The following CNBD1 variants were observed in gnomAD, a reference collection of about 807,000 sequenced individuals.
CNBD1 encodes cyclic nucleotide-binding domain-containing protein 1.
A neutral mutation model predicts 54.4 loss-of-function variants in CNBD1; 71 were observed. The observed-to-expected ratio is 1.30, with a 90% confidence interval of 1.08 to 1.59. The LOEUF is 1.59. Among genes scored for constraint, CNBD1 ranks in the 40% most tolerant of loss-of-function variants. CNBD1 has a pLI of 0.00. For synonymous variants in CNBD1, 182 were observed against 170.7 expected, an observed-to-expected ratio of 1.07 and a Z score of -0.51; for missense variants, 659 against 518.0, an observed-to-expected ratio of 1.27 and a Z score of -2.64.
intron 10 of CNBD1, among the ~76,000 whole-genome samples, chr8:87,379,695 A>C (rs563514921): frequency 6.6e-6 from 1 of 152,124 alleles, no homozygotes; most frequent in East Asian, 1.9e-4. Flanking sequence ...GCACTGTCAG[A>C]ATACCAGTAA....
intron 4 of CNBD1, among the ~76,000 whole-genome samples, chr8:87,087,928 C>T (rs1325326189): frequency 6.6e-6 from 1 of 152,140 alleles, no homozygotes; most frequent in Non-Finnish European, 1.5e-5. Context: ...TAGGCAAGAA[C>T]ATATTTTTGG....
intron 6 of CNBD1, among the ~76,000 whole-genome samples, chr8:87,241,318 T>G (rs1294385487): frequency 7.3e-6 from 1 of 136,516 alleles, no homozygotes. Context: ...TCGCCCAGGC[T>G]GGAGTGCAGT....
intron 6 of CNBD1, among the ~76,000 whole-genome samples, chr8:87,254,777 A>T (rs1807978996): frequency 6.6e-6 from 1 of 152,118 alleles, no homozygotes; most frequent in Non-Finnish European, 1.5e-5. Flanking sequence ...ACCTTTTAAA[A>T]CTATTTTTCA....
At chr8:86,926,639 G>A (rs918532975) in intron 3 of CNBD1, among the ~76,000 whole-genome samples, 10 of 151,666 alleles carry the variant, frequency 6.6e-5, no homozygotes, top group African/African-American at 2.4e-4. Flanking sequence ...ATCCCTGACT[G>A]GTTGGTGTAA....
chr8:87,423,774 A>G (rs903221827), intron 2 of CNBD1, among the ~76,000 whole-genome samples: 1 of 151,852 alleles, frequency 6.6e-6, no homozygotes, highest in Admixed American at 6.6e-5. Context: ...TTTGTATCAG[A>G]ATGATGCTGG....
intron 6 of CNBD1, among the ~76,000 whole-genome samples, chr8:87,253,252 G>A (rs1807945752): frequency 2.0e-5 from 3 of 152,036 alleles, no homozygotes; most frequent in African/African-American, 7.2e-5. Flanking sequence ...TACGTCTAAG[G>A]GCTCTTCTGC....
rs1040145357 is a variant in CNBD1, at chr8:86,925,554, G to C, written c.273-14042G>C. Among the ~76,000 whole-genome samples, 10 of 149,998 alleles carry C rather than the reference G, an allele frequency of 6.7e-5. 1 individual carries two copies. The highest frequency in any genetic ancestry group is 6.0e-4 in the Admixed American group (9 of 14,946). On this transcript the variant is annotated intron_variant, in intron 3 of 10. Coordinates refer to ENST00000518476, the MANE Select transcript of CNBD1 (RefSeq NM_173538.3). ...CTGTCTGTATGTGATGGTGGGATTG[G>C]GGGTAAAGGCAGTAAAGAAAGATTT...
intron 4 of CNBD1, among the ~76,000 whole-genome samples, chr8:87,114,855 A>G (rs1811737896): frequency 6.6e-6 from 1 of 152,056 alleles, no homozygotes. Flanking sequence ...AAGAACACAC[A>G]TGTTCACGTT....
rs185068520 is a variant in CNBD1 at position 87,345,809 on chromosome 8, T to C, written c.1043-5876T>C. On this transcript the variant is annotated intron_variant, in intron 8 of 10. Coordinates refer to ENST00000518476, the MANE Select transcript of CNBD1 (RefSeq NM_173538.3). ...GATTTCAACAGAGTATCAATAAAAATCTTGATGAGTACACCCAGAGTAATT... is the reference window on the plus strand; with the variant it reads ...GATTTCAACAGAGTATCAATAAAAACCTTGATGAGTACACCCAGAGTAATT... Among the ~76,000 whole-genome samples, 94 of 152,190 alleles carry C rather than the reference T, an allele frequency of 6.2e-4. 3 individuals carry two copies. The South Asian group carries it at 9.7e-3, about 16-fold the overall frequency.
chr8:87,076,510 T>C (rs1335365957), intron 4 of CNBD1, among the ~76,000 whole-genome samples: 1 of 152,126 alleles, frequency 6.6e-6, no homozygotes, highest in East Asian at 1.9e-4. Context: ...TATCATGATC[T>C]TGGCTCACTG....
chr8:87,427,695 G>A (rs1808073372), intron 2 of CNBD1, among the ~76,000 whole-genome samples: 1 of 152,064 alleles, frequency 6.6e-6, no homozygotes, highest in Non-Finnish European at 1.5e-5. Context: ...TAAAGAATGA[G>A]GTTATTTTTG....
chr8:87,298,635 C>A (rs1306929279), intron 8 of CNBD1, among the ~76,000 whole-genome samples: 1 of 151,932 alleles, frequency 6.6e-6, no homozygotes. Flanking sequence ...CAGGCTCCCA[C>A]CATGAAGCCT....
At chr8:87,377,136 ATTTT>A (rs931079450) in intron 10 of CNBD1, among the ~76,000 whole-genome samples, 16 of 118,468 alleles carry the variant, frequency 1.4e-4, no homozygotes, top group African/African-American at 4.4e-4. Flanking sequence ...TATTTTATTT[ATTTT>A]TTTATGATTA....
intron 8 of CNBD1, among the ~76,000 whole-genome samples, chr8:87,295,506 T>C (rs987217676): frequency 6.6e-6 from 1 of 151,936 alleles, no homozygotes; most frequent in African/African-American, 2.4e-5. Context: ...CAGAAGTAGA[T>C]AAGATAAAAT....
At chr8:87,338,287 A>G (rs145653216) in intron 8 of CNBD1, among the ~76,000 whole-genome samples, 225 of 152,284 alleles carry the variant, frequency 1.5e-3, no homozygotes, top group African/African-American at 4.9e-3. Context: ...CTTTCATTAT[A>G]TAGATATGAG....
chr8:87,404,125 G>A (rs1480598934), intron 2 of CNBD1, among the ~76,000 whole-genome samples: 1 of 152,006 alleles, frequency 6.6e-6, no homozygotes, highest in Non-Finnish European at 1.5e-5. Flanking sequence ...AGAGAAGAAG[G>A]AGACAGCAGG....
rs114925147 is a variant in CNBD1, at chr8:86,950,680, T to A, written c.431+10926T>A. Among the ~76,000 whole-genome samples, 1,445 of 152,258 alleles carry A rather than the reference T, an allele frequency of 9.5e-3. 32 individuals carry two copies. Among genetic ancestry groups the A allele is most frequent in the African/African-American group, 0.033 (1,356 of 41,534 alleles). On this transcript the variant is annotated intron_variant, in intron 4 of 10. Transcript: ENST00000518476. ...TGAGAATGAGTTTGGAAGTGTGCCA[T>A]TGTCCCCTGTTTTTCAGAATAGTTT...
chr8:86,902,013 T>G (rs1808946025), intron 2 of CNBD1, among the ~76,000 whole-genome samples: 1 of 152,224 alleles, frequency 6.6e-6, no homozygotes, highest in Non-Finnish European at 1.5e-5. Flanking sequence ...CTCATTTTTC[T>G]ACTTTATATA....
chr8:87,172,507 T>C (rs1320755832), intron 4 of CNBD1, among the ~76,000 whole-genome samples: 1 of 152,136 alleles, frequency 6.6e-6, no homozygotes, highest in Non-Finnish European at 1.5e-5. Flanking sequence ...TCTCTCTCTC[T>C]CTCTCTCTTT....
Sources: gnomAD v4.1 joint callset for allele counts (sites outside exome capture counted in the v4.1 genomes callset) on GRCh38, gnomAD v4.1.1 for gene constraint, MANE v1.5 for transcripts, NCBI Gene and HGNC (gene_info 2026-07-23, HGNC 2026-07-21) for gene names.